The following XKR4 variants were observed in gnomAD, a reference collection of about 807,000 sequenced individuals.
XKR4 encodes the protein XK-related protein 4.
Under a neutral mutation model 53.9 loss-of-function variants are expected in XKR4, and 12 were observed. That is an observed-to-expected ratio of 0.22 (90% CI 0.14 to 0.36). XKR4 has a LOEUF of 0.36. XKR4 is among the 10% of genes least tolerant of loss of function. XKR4 has a pLI of 1.00. For missense variants in XKR4, 799 were observed against 859.5 expected (o/e 0.93, Z 0.88); for synonymous variants, 354 against 362.4 (o/e 0.98, Z 0.26).
intron 2 of XKR4, chr8:55,454,325 G>T: frequency 1.3e-6 from 2 of 1,497,358 alleles, no homozygotes; most frequent in Non-Finnish European, 1.9e-6. Flanking sequence ...GAAGGGCGTG[G>T]GTGTGCTGAG....
At chr8:55,186,380 G>C (rs555106619) in intron 1 of XKR4, among the ~76,000 whole-genome samples, 24 of 152,294 alleles carry the variant, frequency 1.6e-4, no homozygotes, top group African/African-American at 5.5e-4. Context: ...TAGAGGCCGG[G>C]CGCTGTGGCT....
chr8:55,455,007 A>C, intron 2 of XKR4: 1 of 793,894 alleles, frequency 1.3e-6, no homozygotes, highest in Admixed American at 1.9e-5. Context: ...GACTGGCAAA[A>C]CAGCTGGGGG....
intron 2 of XKR4, among the ~76,000 whole-genome samples, chr8:55,494,560 T>G (rs1806315221): frequency 6.6e-6 from 1 of 152,198 alleles, no homozygotes; most frequent in East Asian, 1.9e-4. Context: ...ATAGAACAGC[T>G]CAGAGGAGAC....
chr8:55,274,370 TATATCCTC>T (rs2129372959), intron 1 of XKR4, among the ~76,000 whole-genome samples: 1 of 152,190 alleles, frequency 6.6e-6, no homozygotes, highest in East Asian at 1.9e-4. Flanking sequence ...GCCTTCTCCC[TATATCCTC>T]ATATGGTCAT....
intron 2 of XKR4, among the ~76,000 whole-genome samples, chr8:55,516,316 T>A (rs1806713573): frequency 6.6e-6 from 1 of 152,180 alleles, no homozygotes; most frequent in African/African-American, 2.4e-5. Context: ...TACTTAGAAA[T>A]TATGCCTTTA....
intron 1 of XKR4, chr8:55,142,203 G>T: frequency 2.2e-6 from 1 of 456,002 alleles, no homozygotes; most frequent in South Asian, 1.5e-5. Flanking sequence ...CTGATCTGCT[G>T]GTCAAACGGC....
chr8:55,453,627 G>A (rs1563354616), intron 2 of XKR4: 1 of 420,950 alleles, frequency 2.4e-6, no homozygotes, highest in East Asian at 5.9e-5. Context: ...GCCTCAGCCT[G>A]GTCCACGATC....
At chr8:55,247,857 T>TTCTTTCTTTCTTTC (rs1233787770) in intron 1 of XKR4, among the ~76,000 whole-genome samples, 1 of 67,378 alleles carries the variant, frequency 1.5e-5, no homozygotes, top group African/African-American at 8.9e-5. Context: ...CTTTCTTTCT[T>TTCTTTCTTTCTTTC]TTTTTTTTTT....
intron 1 of XKR4, among the ~76,000 whole-genome samples, chr8:55,230,363 CTT>C (rs5891564): frequency 7.2e-5 from 10 of 138,374 alleles, no homozygotes; most frequent in South Asian, 2.3e-4. Flanking sequence ...GAAAGAGACA[CTT>C]TTTTTTTTTT....
intron 2 of XKR4, among the ~76,000 whole-genome samples, chr8:55,494,372 CCTCTT>C (rs1420038193): frequency 6.6e-6 from 1 of 152,222 alleles, no homozygotes; most frequent in South Asian, 2.1e-4. Context: ...CCACAGCTCT[CCTCTT>C]CTTTTCTTCA....
At chr8:55,205,115 A>T (rs541104632) in intron 1 of XKR4, among the ~76,000 whole-genome samples, 1 of 152,314 alleles carries the variant, frequency 6.6e-6, no homozygotes, top group African/African-American at 2.4e-5. Flanking sequence ...CACCCATTTG[A>T]TTTTGTGCTT....
intron 2 of XKR4, chr8:55,452,102 C>A: frequency 1.4e-6 from 1 of 692,688 alleles, no homozygotes; most frequent in Admixed American, 2.1e-5. Context: ...AGGTAGAGCC[C>A]AGGGTGAAGG....
intron 1 of XKR4, among the ~76,000 whole-genome samples, chr8:55,219,616 G>T (rs1231104794): frequency 6.6e-6 from 1 of 152,114 alleles, no homozygotes; most frequent in Admixed American, 6.5e-5. Flanking sequence ...ATCAGAAATG[G>T]ACCTCAAGTC....
At position 55,463,763 on chromosome 8, in the gene XKR4, A is replaced by G. The variant is rs540193032; in HGVS notation, c.1007-59518A>G. On this transcript the variant is annotated intron_variant, in intron 2 of 2. Coordinates refer to ENST00000327381, the MANE Select transcript of XKR4 (RefSeq NM_052898.2). ...TAAAGAAGAAAAGAGAGAAGAATCAAATAGACGCAATAAAAAATGATAAAG... is the reference window on the plus strand; with the variant it reads ...TAAAGAAGAAAAGAGAGAAGAATCAGATAGACGCAATAAAAAATGATAAAG... Among the ~76,000 whole-genome samples, 696 of 152,242 alleles carry G rather than the reference A, an allele frequency of 4.6e-3. 10 individuals are homozygous for G. Among genetic ancestry groups the G allele is most frequent in the African/African-American group, 0.016 (646 of 41,518 alleles).
At chr8:55,353,129 G>A (rs1803748965) in intron 1 of XKR4, among the ~76,000 whole-genome samples, 1 of 152,156 alleles carries the variant, frequency 6.6e-6, no homozygotes, top group African/African-American at 2.4e-5. Flanking sequence ...GGGAGGAGAA[G>A]TCATGGAGTG....
At chr8:55,450,322 C>T in intron 2 of XKR4, 2 of 731,218 alleles carry the variant, frequency 2.7e-6, no homozygotes, top group South Asian at 3.4e-5. Context: ...CTCCTCAGCG[C>T]AGAAGTCCTA....
At chr8:55,416,139 TAGG>T (rs1804842487) in intron 2 of XKR4, among the ~76,000 whole-genome samples, 1 of 152,150 alleles carries the variant, frequency 6.6e-6, no homozygotes. Flanking sequence ...TGCTTAGAAC[TAGG>T]AGAACTCTCT....
Position 55,540,477 on chromosome 8 carries a change from G to A in XKR4, c.*16250G>A, listed in dbSNP as rs1367607493. 1 of 152,172 alleles carries A rather than the reference G, an allele frequency of 6.6e-6. No homozygotes were observed. The highest frequency in any genetic ancestry group is 2.4e-5 in the African/African-American group (1 of 41,440). 9.4% of individuals were successfully genotyped at this position (152,172 alleles called of 1,614,324 possible). The stretch of plus-strand genomic sequence containing the variant: ...AGATCCCAGCTGAAGCCTTTCTTTG[G>A]TAAAGAGCGCAGAAAGAGACCATAG... On this transcript the variant is annotated 3_prime_UTR_variant, in exon 3 of 3. Transcript: ENST00000327381.
At chr8:55,237,962 AAG>A (rs754496701) in intron 1 of XKR4, among the ~76,000 whole-genome samples, 4 of 152,070 alleles carry the variant, frequency 2.6e-5, no homozygotes, top group Middle Eastern at 3.2e-3. Context: ...AAGAGACAGA[AAG>A]AGAGAGAAAG....
Sources: gnomAD v4.1 joint callset for allele counts (sites outside exome capture counted in the v4.1 genomes callset) on GRCh38, gnomAD v4.1.1 for gene constraint, MANE v1.5 for transcripts, NCBI Gene and HGNC (gene_info 2026-07-23, HGNC 2026-07-21) for gene names.